Variants in PARD3B observed in about 807,000 individuals in gnomAD.
PARD3B encodes the protein partitioning defective 3 homolog B.
Under a neutral mutation model 130.2 loss-of-function variants are expected in PARD3B, and 103 were observed. That is an observed-to-expected ratio of 0.79 (90% CI 0.67 to 0.93). The LOEUF is 0.93. PARD3B is among the 40% of genes least tolerant of loss of function. PARD3B has a pLI of 0.00. For missense variants in PARD3B, 1,609 were observed against 1,499.2 expected, an observed-to-expected ratio of 1.07 and a Z score of -1.21; for synonymous variants, 583 against 553.2, an observed-to-expected ratio of 1.05 and a Z score of -0.76.
At chr2:204,653,918 C>T (rs777415060) in intron 1 of PARD3B, among the ~76,000 whole-genome samples, 3 of 150,996 alleles carry the variant, frequency 2.0e-5, no homozygotes, top group African/African-American at 5.0e-5. Context: ...CTGATGACAA[C>T]GTACACTATT....
intron 3 of PARD3B, among the ~76,000 whole-genome samples, chr2:204,997,953 A>G (rs1694371466): frequency 8.2e-6 from 1 of 121,288 alleles, no homozygotes; most frequent in Non-Finnish European, 1.8e-5. Context: ...ATATATAGTG[A>G]GTGTATGTGT....
At chr2:205,375,609 C>T (rs1414975859) in intron 18 of PARD3B, among the ~76,000 whole-genome samples, 1 of 151,874 alleles carries the variant, frequency 6.6e-6, no homozygotes, top group Non-Finnish European at 1.5e-5. Flanking sequence ...TTGGAAAATC[C>T]CAGAGAACAC....
At chr2:205,133,023 C>T (rs1575896059) in intron 10 of PARD3B, among the ~76,000 whole-genome samples, 1 of 152,024 alleles carries the variant, frequency 6.6e-6, no homozygotes. Flanking sequence ...ATCTAGTCTG[C>T]ATTCAGTATA....
intron 2 of PARD3B, among the ~76,000 whole-genome samples, chr2:204,878,930 T>C (rs1482175115): frequency 4.0e-5 from 6 of 151,820 alleles, no homozygotes; most frequent in East Asian, 3.9e-4. Context: ...GTTTACAAGA[T>C]TGACAATTTT....
chr2:204,643,062 C>T (rs1289470153), intron 1 of PARD3B, among the ~76,000 whole-genome samples: 3 of 140,024 alleles, frequency 2.1e-5, no homozygotes, highest in African/African-American at 8.0e-5. Flanking sequence ...TGCAGTGAGC[C>T]GAGATCGCAC....
intron 12 of PARD3B, among the ~76,000 whole-genome samples, chr2:205,173,431 A>G (rs1203685746): frequency 2.0e-5 from 3 of 152,194 alleles, no homozygotes; most frequent in Non-Finnish European, 4.4e-5. Context: ...TTCATAGATG[A>G]CAGATATTGC....
intron 2 of PARD3B, among the ~76,000 whole-genome samples, chr2:204,845,683 C>T (rs757575658): frequency 3.3e-5 from 5 of 152,048 alleles, no homozygotes; most frequent in Non-Finnish European, 7.4e-5. Context: ...GAGACCCCAA[C>T]CTCTACATAG....
At chr2:205,459,775 T>C (rs890614304) in intron 20 of PARD3B, among the ~76,000 whole-genome samples, 1 of 152,120 alleles carries the variant, frequency 6.6e-6, no homozygotes, top group Non-Finnish European at 1.5e-5. Context: ...ACAGGAAGGA[T>C]GGGTTTGCTT....
In PARD3B at chr2:205,564,740, C is replaced by T. The variant is rs533105156; in HGVS notation, c.3260+11337C>T. 8.7e-4 allele frequency among the ~76,000 whole-genome samples: 133 copies of T among 152,298 alleles called. No homozygotes were observed. The highest frequency in any genetic ancestry group is 3.0e-3 in the African/African-American group (126 of 41,568). On this transcript the variant is annotated intron_variant, in intron 22 of 22. Transcript: ENST00000406610. The surrounding 1 kb of genome is among the most constrained non-coding windows in gnomAD (Gnocchi z 4.6). ...TGGATCTCATGTGACACAGGCCCCA[C>T]GACCTCGATCATTCTGCCAAGAAAC...
intron 18 of PARD3B, among the ~76,000 whole-genome samples, chr2:205,333,361 A>G (rs986692319): frequency 2.0e-5 from 3 of 152,190 alleles, no homozygotes; most frequent in African/African-American, 4.8e-5. Context: ...TTGCTTATAT[A>G]TTGAAATTAT....
chr2:204,553,575 TATATATAAGGCTATATAC>T (rs1559152073), intron 1 of PARD3B, among the ~76,000 whole-genome samples: 1 of 117,620 alleles, frequency 8.5e-6, no homozygotes, highest in African/African-American at 3.2e-5. Context: ...TATATATATG[TATATATAAGGCTATATAC>T]ATATATATGT....
At chr2:205,172,134 G>C (rs370523996) in intron 11 of PARD3B, 77 bp from the exon 12 acceptor site, 5 of 1,405,538 alleles carry the variant, frequency 3.6e-6, no homozygotes, top group Middle Eastern at 1.8e-4. Context: ...TTTTAAACTT[G>C]AACTTTTCCC....
chr2:204,839,917 A>G (rs1348270804), intron 2 of PARD3B, among the ~76,000 whole-genome samples: 1 of 152,194 alleles, frequency 6.6e-6, no homozygotes, highest in Non-Finnish European at 1.5e-5. Flanking sequence ...GACTTGTCCC[A>G]TTTAACAATA....
intron 2 of PARD3B, among the ~76,000 whole-genome samples, chr2:204,770,559 A>G (rs1036671932): frequency 1.5e-4 from 23 of 152,090 alleles, no homozygotes; most frequent in Admixed American, 1.4e-3. Context: ...TTTCAAAATA[A>G]TGTGGCAACG....
chr2:205,013,490 T>C (rs964499541), intron 3 of PARD3B, among the ~76,000 whole-genome samples: 12 of 152,184 alleles, frequency 7.9e-5, no homozygotes, highest in African/African-American at 2.7e-4. Flanking sequence ...TCCCAACCTC[T>C]ACACTATTGA....
At chr2:204,849,310 T>A (rs2044607584) in intron 2 of PARD3B, among the ~76,000 whole-genome samples, 1 of 152,198 alleles carries the variant, frequency 6.6e-6, no homozygotes, top group Non-Finnish European at 1.5e-5. Flanking sequence ...CACAAATTAC[T>A]GTATGCATAT....
intron 20 of PARD3B, among the ~76,000 whole-genome samples, chr2:205,497,422 T>C (rs1375702966): frequency 2.6e-5 from 3 of 113,702 alleles, no homozygotes; most frequent in African/African-American, 1.1e-4. Context: ...AGGTGTTTAC[T>C]CACCATTTTT....
rs1457868421 is a variant in PARD3B at position 205,116,040 on chromosome 2, A to G, written c.680+2463A>G. Among the ~76,000 whole-genome samples the G allele has an allele frequency of 6.6e-6, 1 of 152,092 alleles. No homozygotes were observed. Among genetic ancestry groups the G allele is most frequent in the Non-Finnish European group, 1.5e-5 (1 of 68,026 alleles). ...AGTAAATTATAGTGGCTGCTCTGCT[A>G]GATAAAGCCTCAATGAATTCATTAG... On this transcript the variant is annotated intron_variant, in intron 6 of 22. Transcript: ENST00000406610. This position sits in a 1 kb window ranked among gnomAD's most constrained non-coding sequence, Gnocchi z 4.5.
At chr2:204,608,581 T>C (rs1176859940) in intron 1 of PARD3B, among the ~76,000 whole-genome samples, 1 of 152,188 alleles carries the variant, frequency 6.6e-6, no homozygotes, top group Non-Finnish European at 1.5e-5. Flanking sequence ...AAGCATAAAC[T>C]CTTTATTAGC....
Sources: gnomAD v4.1 joint callset for allele counts (sites outside exome capture counted in the v4.1 genomes callset) on GRCh38, gnomAD v4.1.1 for gene constraint, Gnocchi (gnomAD v3.1) non-coding constraint, MANE v1.5 for transcripts, NCBI Gene and HGNC (gene_info 2026-07-23, HGNC 2026-07-21) for gene names.